DOCK7: variants seen among roughly 807,000 people sequenced by gnomAD.
The protein encoded by DOCK7 is dedicator of cytokinesis protein 7.
DOCK7 carries 138 observed loss-of-function variants against 271.0 expected under a neutral mutation model. That is an observed-to-expected ratio of 0.51 (90% CI 0.44 to 0.59). The LOEUF is 0.59. DOCK7 is among the 20% of genes least tolerant of loss of function. The pLI, the probability that DOCK7 is intolerant of heterozygous loss-of-function variation, is 0.00. For synonymous variants in DOCK7, 823 were observed against 876.1 expected, an observed-to-expected ratio of 0.94 and a Z score of 1.07; for missense variants, 2,066 against 2,592.4, an observed-to-expected ratio of 0.80 and a Z score of 4.41.
At chr1:62,610,400 T>C (rs1050998414) in intron 14 of DOCK7, among the ~76,000 whole-genome samples, 2 of 152,140 alleles carry the variant, frequency 1.3e-5, no homozygotes, top group Non-Finnish European at 2.9e-5. Flanking sequence ...ATGAATGTAG[T>C]AAACCAACCA....
Position 62,581,062 on chromosome 1 carries a change from A to T in DOCK7, c.1872-2096T>A, listed in dbSNP as rs570356680. ...TAACCACAGGCCTAAAATATATACCATCCAGTCCTTTGTAGAAAATTTTTG... is the reference window on the plus strand; with the variant it reads ...TAACCACAGGCCTAAAATATATACCTTCCAGTCCTTTGTAGAAAATTTTTG... On this transcript the variant is annotated intron_variant, in intron 16 of 49. Coordinates refer to ENST00000635253, the MANE Select transcript of DOCK7 (RefSeq NM_001367561.1). Among the ~76,000 whole-genome samples, 8 of 152,214 alleles carry T rather than the reference A, an allele frequency of 5.3e-5. No homozygotes were observed. In the East Asian group the frequency reaches 1.5e-3, roughly 29 times the overall value.
chr1:62,519,993 T>G (rs947226752), intron 31 of DOCK7, among the ~76,000 whole-genome samples: 7 of 152,078 alleles, frequency 4.6e-5, no homozygotes, highest in Non-Finnish European at 1.0e-4. Flanking sequence ...ACAAAAACAA[T>G]CAATGGGGAA....
intron 18 of DOCK7, among the ~76,000 whole-genome samples, chr1:62,574,200 T>G (rs1364587596): frequency 6.6e-6 from 1 of 152,094 alleles, no homozygotes; most frequent in African/African-American, 2.4e-5. Flanking sequence ...CACGGTACTC[T>G]ACGGAAAGGA....
chr1:62,461,240 C>T (rs1280712794), intron 48 of DOCK7, among the ~76,000 whole-genome samples: 3 of 151,946 alleles, frequency 2.0e-5, no homozygotes, highest in Non-Finnish European at 2.9e-5. Flanking sequence ...GAGTACTGGA[C>T]GTCCTAAATA....
intron 48 of DOCK7, among the ~76,000 whole-genome samples, chr1:62,468,988 C>T (rs1213641279): frequency 6.6e-6 from 1 of 152,092 alleles, no homozygotes; most frequent in African/African-American, 2.4e-5. Flanking sequence ...TCAAAATGAC[C>T]ATACTGCCAA....
chr1:62,655,287 A>G (rs17123740), intron 2 of DOCK7, among the ~76,000 whole-genome samples: 5,550 of 152,326 alleles, frequency 0.036, 250 homozygotes, highest in African/African-American at 0.11. Context: ...TTATAGACCA[A>G]TGAAAATAAG....
intron 25 of DOCK7, among the ~76,000 whole-genome samples, chr1:62,541,693 T>C (rs540516820): frequency 6.6e-6 from 1 of 152,316 alleles, no homozygotes; most frequent in South Asian, 2.1e-4. Flanking sequence ...TGGTCAGCAG[T>C]AGGCTATTAG....
Position 62,583,247 on chromosome 1 carries a change from A to T in DOCK7, c.1808T>A (p.Phe603Tyr). ...AAATTCTGAACAGCTAGATTTACCA[A>T]AGATTACCTGAAACAAATAACAGCA... ...EDPSNAMPVIFGKSSCSEFSK... is the reference protein window; with the variant it reads ...EDPSNAMPVIYGKSSCSEFSK... Residue 603 changes from phenylalanine (F) to tyrosine (Y), a missense_variant, in exon 16 of 50, where the codon TTT becomes TAT. Phe to Tyr is a conservative substitution (Grantham distance 22). Transcript: ENST00000635253. 10 of 1,613,040 alleles carry T rather than the reference A, an allele frequency of 6.2e-6. No individual in the cohort carries two copies. Among genetic ancestry groups the T allele is most frequent in the Non-Finnish European group, 8.5e-6 (10 of 1,179,350 alleles).
chr1:62,566,486 C>G (rs1036998086), intron 18 of DOCK7, among the ~76,000 whole-genome samples: 2 of 152,130 alleles, frequency 1.3e-5, no homozygotes, highest in East Asian at 1.9e-4. Flanking sequence ...GGAAAACTGG[C>G]TAGTCATATG....
intron 11 of DOCK7, among the ~76,000 whole-genome samples, chr1:62,630,537 C>T (rs144581651): frequency 7.6e-4 from 116 of 152,212 alleles, no homozygotes; most frequent in Admixed American, 2.3e-3. Context: ...TGTTACCTTA[C>T]GCTGCTACCA....
intron 37 of DOCK7, among the ~76,000 whole-genome samples, chr1:62,498,080 A>AT (rs5774605): frequency 0.53 from 79,424 of 149,104 alleles, 22,046 homozygotes; most frequent in East Asian, 0.76. Flanking sequence ...TGTCTACGAA[A>AT]TTTTTTTTTT....
At chr1:62,590,502 T>C (rs1648278063) in intron 14 of DOCK7, among the ~76,000 whole-genome samples, 1 of 152,156 alleles carries the variant, frequency 6.6e-6, no homozygotes. Context: ...GAGTATCCAG[T>C]GTGATAGGTA....
At chr1:62,474,197 T>A in intron 47 of DOCK7, 109 bp from the exon 48 acceptor site, 1 of 783,446 alleles carries the variant, frequency 1.3e-6, no homozygotes, top group Non-Finnish European at 2.1e-6. Flanking sequence ...CATTTAAGCT[T>A]AATGCATATA....
chr1:62,549,101 T>C (rs985226539), intron 22 of DOCK7, among the ~76,000 whole-genome samples: 4 of 151,584 alleles, frequency 2.6e-5, no homozygotes, highest in Admixed American at 1.3e-4. Flanking sequence ...CACATCCAGA[T>C]AAAGAGATCA....
chr1:62,504,807 C>T (rs1487098088), intron 36 of DOCK7, 25 bp from the exon 37 acceptor site: 2 of 1,606,126 alleles, frequency 1.2e-6, no homozygotes, highest in Admixed American at 3.4e-5. Context: ...AACAAACCAC[C>T]ACTGAATTTT....
At position 62,552,883 on chromosome 1, in the gene DOCK7, C is replaced by T. The variant is rs745367901; in HGVS notation, c.2615G>A (p.Gly872Glu). ...AGCCATTGTGGCATAATGCACTGATCCTCCCAAACCCCCAGGACCTAGAGT... is the reference window on the plus strand; with the variant it reads ...AGCCATTGTGGCATAATGCACTGATTCTCCCAAACCCCCAGGACCTAGAGT... ...SSSPGPGGLG[G>E]SVHYATMARS... Residue 872 changes from glycine (G) to glutamate (E), a missense_variant, in exon 22 of 50, where the codon GGA becomes GAA. Transcript: ENST00000635253. The T allele has an allele frequency of 8.1e-6, 13 of 1,608,872 alleles. No homozygotes were observed. The highest frequency in any genetic ancestry group is 1.1e-5 in the South Asian group (1 of 90,022).
chr1:62,666,640 A>G (rs770512085), intron 1 of DOCK7, among the ~76,000 whole-genome samples: 1 of 152,230 alleles, frequency 6.6e-6, no homozygotes, highest in Non-Finnish European at 1.5e-5. Context: ...AGTATGCAAG[A>G]AAGAAATGTT....
intron 49 of DOCK7, among the ~76,000 whole-genome samples, chr1:62,456,919 G>T (rs529962661): frequency 2.6e-5 from 4 of 152,142 alleles, no homozygotes; most frequent in Non-Finnish European, 4.4e-5. Context: ...TTCAATACTT[G>T]TATGTAAATT....
chr1:62,528,276 A>G lies in DOCK7; in HGVS notation c.3811T>C (p.Cys1271Arg), dbSNP rs1380559734. 1 of 1,612,606 alleles carries G rather than the reference A, an allele frequency of 6.2e-7. No individual in the cohort carries two copies. Among genetic ancestry groups the G allele is most frequent in the East Asian group, 2.2e-5 (1 of 44,794 alleles). Residue 1271 changes from cysteine (C) to arginine (R), a missense_variant, in exon 31 of 50, where the codon TGT becomes CGT. By Grantham distance (180) the Cys-to-Arg change is radical. Around this residue, in one of 2 missense-constraint regions of DOCK7, gnomAD observed 1,414 missense variants for 1,670.4 expected, o/e 0.85. Coordinates refer to ENST00000635253, the MANE Select transcript of DOCK7 (RefSeq NM_001367561.1). ...CTTTCATAATCATCAGTGGCTATACAAATTGGTCTTCCTCGTTGATTGTGA... is the reference window on the plus strand; with the variant it reads ...CTTTCATAATCATCAGTGGCTATACGAATTGGTCTTCCTCGTTGATTGTGA... ...ETHNQRGRPI[C>R]IATDDYESES...
Sources: allele counts gnomAD v4.1 joint callset (sites outside exome capture counted in the v4.1 genomes callset), GRCh38; gene constraint gnomAD v4.1.1; regional missense constraint gnomAD v4.1.1; transcripts MANE v1.5; gene names NCBI Gene and HGNC (gene_info 2026-07-23, HGNC 2026-07-21).